The following C11orf52 variants were observed in gnomAD, a reference collection of about 807,000 sequenced individuals.
C11orf52 encodes uncharacterized protein C11orf52.
Under a neutral mutation model 11.7 loss-of-function variants are expected in C11orf52, and 9 were observed. The ratio of observed to expected loss-of-function variants is 0.77; its 90% confidence interval spans 0.46 to 1.34. C11orf52 has a LOEUF of 1.34. Among genes scored for constraint, C11orf52 ranks in the 40% most tolerant of loss-of-function variants. The probability of loss-of-function intolerance (pLI) is 0.00; values close to 1 mark genes in which losing one functional copy is unlikely to be tolerated. For missense variants in C11orf52, 139 were observed against 154.8 expected (o/e 0.90, Z 0.54); for synonymous variants, 49 against 57.4 (o/e 0.85, Z 0.66).
intron 1 of C11orf52, among the ~76,000 whole-genome samples, chr11:111,921,407 G>A (rs868958459): frequency 2.6e-5 from 4 of 152,168 alleles, no homozygotes; most frequent in Non-Finnish European, 4.4e-5. Context: ...TGGGAAATAC[G>A]TAGCCACTTC....
intron 1 of C11orf52, among the ~76,000 whole-genome samples, chr11:111,920,187 T>C (rs1379874884): frequency 4.0e-5 from 6 of 151,152 alleles, no homozygotes; most frequent in Admixed American, 2.0e-4. Context: ...AGAGCAAGAC[T>C]CCGTCTCAAA....
chr11:111,923,999 C>G (rs1314523377), intron 1 of C11orf52, among the ~76,000 whole-genome samples: 1 of 152,154 alleles, frequency 6.6e-6, no homozygotes, highest in Non-Finnish European at 1.5e-5. Context: ...TTTCCCTCAC[C>G]CTCTGCTGGG....
At chr11:111,925,613 G>A (rs782320129) in intron 2 of C11orf52, 40 bp from the exon 3 acceptor site, 14 of 1,597,414 alleles carry the variant, frequency 8.8e-6, no homozygotes, top group Non-Finnish European at 8.6e-6. Context: ...GTAGAGACAG[G>A]GAAGAGAGAA....
intron 1 of C11orf52, chr11:111,923,741 A>G (rs1468419233): frequency 6.6e-6 from 1 of 152,260 alleles, no homozygotes; most frequent in African/African-American, 2.4e-5. Context: ...AAAGTTCTCT[A>G]AAGGATGTTA....
intron 1 of C11orf52, 55 bp from the exon 2 acceptor site, chr11:111,924,271 G>A: frequency 1.9e-6 from 3 of 1,545,932 alleles, no homozygotes; most frequent in Non-Finnish European, 2.7e-6. Flanking sequence ...TGATGATGGA[G>A]GGAAGGCAGA....
chr11:111,923,431 C>A (rs1965732401), intron 1 of C11orf52, among the ~76,000 whole-genome samples: 1 of 152,190 alleles, frequency 6.6e-6, no homozygotes, highest in Non-Finnish European at 1.5e-5. Context: ...CTCAAATTAG[C>A]AAAGAAGGAA....
chr11:111,924,720 T>G (rs1482048921), intron 2 of C11orf52, among the ~76,000 whole-genome samples: 10 of 152,202 alleles, frequency 6.6e-5, no homozygotes, highest in Admixed American at 6.5e-5. Flanking sequence ...ATTTAAGAGA[T>G]AAATTCATAT....
chr11:111,921,660 T>G (rs1321787167), intron 1 of C11orf52, among the ~76,000 whole-genome samples: 1 of 152,200 alleles, frequency 6.6e-6, no homozygotes. Flanking sequence ...TTCTCTTTCT[T>G]CCCAAGTGTT....
intron 3 of C11orf52, 67 bp downstream of exon 3, chr11:111,925,781 T>C: frequency 6.3e-7 from 1 of 1,590,900 alleles, no homozygotes; most frequent in Non-Finnish European, 8.6e-7. Flanking sequence ...TCAGCTCTTT[T>C]GCACTGCAAC....
At chr11:111,919,112 A>C in intron 1 of C11orf52, 108 bp downstream of exon 1, 1 of 1,234,370 alleles carries the variant, frequency 8.1e-7, no homozygotes, top group African/African-American at 1.5e-5. Flanking sequence ...TCCCACTGCC[A>C]CCTTCCTCTG....
intron 1 of C11orf52, among the ~76,000 whole-genome samples, chr11:111,920,631 G>A (rs1277095599): frequency 2.0e-5 from 3 of 151,962 alleles, no homozygotes; most frequent in Non-Finnish European, 2.9e-5. Flanking sequence ...AGGCGTGGTG[G>A]TGCGTGCTTG....
chr11:111,922,815 G>A (rs1370999366), intron 1 of C11orf52, among the ~76,000 whole-genome samples: 3 of 151,970 alleles, frequency 2.0e-5, no homozygotes, highest in Non-Finnish European at 4.4e-5. Flanking sequence ...TACATCAGAG[G>A]GTATACACAT....
intron 2 of C11orf52, 83 bp downstream of exon 2, chr11:111,924,446 G>A: frequency 3.3e-6 from 4 of 1,219,270 alleles, no homozygotes; most frequent in South Asian, 1.3e-5. Flanking sequence ...AAGGGCAGAA[G>A]GGTAGAAAAG....
Position 111,926,342 on chromosome 11 carries a change from G to A in C11orf52, c.*143G>A. Reference sequence around the variant, plus strand: ...CTCCAAAGCCCCTGGAATTGTGGGCGTCCCATTTTCTCCCCTGGCCTCTTA... The same window carrying A: ...CTCCAAAGCCCCTGGAATTGTGGGCATCCCATTTTCTCCCCTGGCCTCTTA... On this transcript the variant is annotated 3_prime_UTR_variant, in exon 4 of 4. Coordinates refer to ENST00000278601, the MANE Select transcript of C11orf52 (RefSeq NM_080659.3). 1.5e-6 allele frequency: 2 copies of A among 1,313,680 alleles called. No individual in the cohort carries two copies. Among genetic ancestry groups the A allele is most frequent in the Non-Finnish European group, 2.1e-6 (2 of 968,558 alleles). The allele number at this position is 1,313,680 out of a possible 1,614,324, so 81.4% of individuals were successfully genotyped here. A position where few individuals can be genotyped will look rare whatever the true frequency, so the allele number is the denominator to read the frequency against.
rs781907859 is a variant in C11orf52 at position 111,925,681 on chromosome 11, G to A, written c.99G>A (p.Pro33=). 2 of 1,613,700 alleles carry A rather than the reference G, an allele frequency of 1.2e-6. No homozygotes were observed. The highest frequency in any genetic ancestry group is 1.7e-5 in the Admixed American group (1 of 60,020). The change falls in exon 3 of 4, where the codon CCG becomes CCA. Residue 33 remains proline (P), a synonymous_variant. Transcript: ENST00000278601. ...GCCAAACAAGACGGACACTGAAGCC[G>A]CAGCCACAACAGCTGCAGCAGAATC... is the stretch of plus-strand genomic sequence containing the variant. ...TGSQTRRTLK[P]QPQQLQQNLP...
At chr11:111,920,202 AAATAAAATAAAATAG>A (rs1489157114) in intron 1 of C11orf52, among the ~76,000 whole-genome samples, 1 of 151,972 alleles carries the variant, frequency 6.6e-6, no homozygotes, top group Admixed American at 6.6e-5. Flanking sequence ...CTCAAAAATA[AAATAAAATAAAATAG>A]AATAAAATAA....
At position 111,925,871 on chromosome 11, in the gene C11orf52, G is replaced by A. The variant is rs1555166906; in HGVS notation, c.133-89G>A. 4 of 1,592,006 alleles carry A rather than the reference G, an allele frequency of 2.5e-6. No homozygotes were observed. The East Asian group carries it at 6.8e-5, about 27-fold the overall frequency. On this transcript the variant is annotated intron_variant, in intron 3 of 3. Coordinates refer to ENST00000278601, the MANE Select transcript of C11orf52 (RefSeq NM_080659.3). Reference sequence around the variant, plus strand: ...TGTCCTTTGCTCAAAGGAGCAAAGCGAAGGGACATCAGTTGACCTGCCCCT... The same window carrying A: ...TGTCCTTTGCTCAAAGGAGCAAAGCAAAGGGACATCAGTTGACCTGCCCCT...
chr11:111,919,026 A>G, intron 1 of C11orf52, 22 bp downstream of exon 1: 2 of 1,613,998 alleles, frequency 1.2e-6, no homozygotes, highest in Non-Finnish European at 1.7e-6. Flanking sequence ...GGAAGGGCAA[A>G]GGGGAACATC....
At chr11:111,921,914 C>A (rs587639515) in intron 1 of C11orf52, among the ~76,000 whole-genome samples, 1 of 152,162 alleles carries the variant, frequency 6.6e-6, no homozygotes, top group South Asian at 2.1e-4. Flanking sequence ...CTCGCTGCAA[C>A]CTTAGCCTCC....
Sources: allele counts gnomAD v4.1 joint callset (sites outside exome capture counted in the v4.1 genomes callset), GRCh38; gene constraint gnomAD v4.1.1; transcripts MANE v1.5; gene names NCBI Gene and HGNC (gene_info 2026-07-23, HGNC 2026-07-21).